The following ZNF683 variants were observed in gnomAD, a reference collection of about 807,000 sequenced individuals.
ZNF683 encodes zinc finger protein 683.
ZNF683 carries 20 observed loss-of-function variants against 31.4 expected under a neutral mutation model. The observed-to-expected ratio is 0.64, with a 90% CI of 0.45 to 0.93. ZNF683 has a LOEUF of 0.93. ZNF683 is among the 40% of genes least tolerant of loss of function. The pLI is 0.00. For missense variants in ZNF683, 621 were observed against 637.2 expected (o/e 0.97, Z 0.27); for synonymous variants, 264 against 267.6 (o/e 0.99, Z 0.13).
chr1:26,364,446 A>T, intron 4 of ZNF683, 86 bp downstream of exon 4: 1 of 1,488,622 alleles, frequency 6.7e-7, no homozygotes, highest in Non-Finnish European at 9.3e-7. Flanking sequence ...TCTAGCTTTG[A>T]GGTCCTTGCT....
chr1:26,367,422 C>T (rs995296207), intron 3 of ZNF683, among the ~76,000 whole-genome samples, 171 bp downstream of exon 3: 1 of 152,188 alleles, frequency 6.6e-6, no homozygotes, highest in Non-Finnish European at 1.5e-5. Context: ...CGAAAGCCCC[C>T]TGCACCCTCA....
chr1:26,369,106 A>C (rs1277871267), intron 1 of ZNF683, among the ~76,000 whole-genome samples: 1 of 152,030 alleles, frequency 6.6e-6, no homozygotes, highest in East Asian at 1.9e-4. Flanking sequence ...TTAGCCAGTC[A>C]CGGTGGTGCA....
Position 26,372,750 on chromosome 1 carries a change from T to C in ZNF683, c.-96A>G, listed in dbSNP as rs894262856. 5.8e-6 allele frequency: 7 copies of C among 1,213,188 alleles called. No homozygotes were observed. Among genetic ancestry groups the C allele is most frequent in the Non-Finnish European group, 7.3e-6 (7 of 952,710 alleles). 75.2% of individuals were successfully genotyped at this position (1,213,188 alleles called of 1,614,324 possible). ...CTCAGGTTCCTCAGTTAGAAGACCA[T>C]GGTCCTCCCTTTGTGCTACCTCCCC... On this transcript the variant is annotated 5_prime_UTR_variant, in exon 1 of 6. An upstream start codon of the reference 5' UTR is lost. Coordinates refer to ENST00000349618, the MANE Select transcript of ZNF683 (RefSeq NM_001114759.3).
intron 5 of ZNF683, 155 bp from the exon 6 acceptor site, chr1:26,362,177 T>C: frequency 6.3e-7 from 1 of 1,587,206 alleles, no homozygotes; most frequent in Admixed American, 1.8e-5. Flanking sequence ...CCACGGTATC[T>C]AGCACATTAG....
In ZNF683 at chr1:26,365,195, G is replaced by T; in HGVS notation, c.351C>A (p.Ser117=). Residue 117 remains serine, a synonymous_variant, in exon 4 of 6, where the codon TCC becomes TCA. Coordinates refer to ENST00000349618, the MANE Select transcript of ZNF683 (RefSeq NM_001114759.3). ...TGACTGTGAATTTCTTGTCATCGGT[G>T]GAGCTGGCCTGCAGCCCTGGTGGCT... ...KHEPPGLQAS[S]TDDKKFTVKY... 1 of 1,607,506 alleles carries T rather than the reference G, an allele frequency of 6.2e-7. No individual in the cohort carries two copies. The highest frequency in any genetic ancestry group is 8.5e-7 in the Non-Finnish European group (1 of 1,177,296).
Position 26,364,660 on chromosome 1 carries a change from T to C in ZNF683, c.886A>G (p.Lys296Glu). The change falls in exon 4 of 6, where the codon AAG becomes GAG. Residue 296 changes from lysine (K) to glutamate (E), a missense_variant. Lys to Glu is a moderately conservative substitution (Grantham distance 56). Coordinates refer to ENST00000349618, the MANE Select transcript of ZNF683 (RefSeq NM_001114759.3). Reference sequence around the variant, plus strand: ...GTCTGGGAACTCAATGGGACCCGCTTTGCTGGAGATGCCATGCCACCACGC... The same window carrying C: ...GTCTGGGAACTCAATGGGACCCGCTCTGCTGGAGATGCCATGCCACCACGC... ...LERGGMASPAKRVPLSSQTGT... is the reference protein window; with the variant it reads ...LERGGMASPAERVPLSSQTGT... The C allele has an allele frequency of 1.9e-6, 3 of 1,614,016 alleles. No individual in the cohort carries two copies. Among genetic ancestry groups the C allele is most frequent in the Non-Finnish European group, 2.5e-6 (3 of 1,179,880 alleles).
chr1:26,373,018 G>A (rs894210614), upstream of ZNF683, among the ~76,000 whole-genome samples: 4 of 152,212 alleles, frequency 2.6e-5, no homozygotes, highest in Non-Finnish European at 2.9e-5. Context: ...TCTGGTGTGC[G>A]TGAGTCTGGC....
At chr1:26,372,794 T>G, upstream of ZNF683, 1 of 1,193,390 alleles carries the variant, frequency 8.4e-7, no homozygotes, top group Non-Finnish European at 1.1e-6. Context: ...TGGGACAAAG[T>G]GACATCACAT....
intron 1 of ZNF683, among the ~76,000 whole-genome samples, chr1:26,369,953 C>G (rs190832832): frequency 6.6e-6 from 1 of 152,158 alleles, no homozygotes; most frequent in Admixed American, 6.6e-5. Context: ...GAGATCACAC[C>G]ACTACACTCT....
At position 26,364,530 on chromosome 1, in the gene ZNF683, A is replaced by C; in HGVS notation, c.1014+2T>G. 1 of 1,613,732 alleles carries C rather than the reference A, an allele frequency of 6.2e-7. No homozygotes were observed. Among genetic ancestry groups the C allele is most frequent in the Non-Finnish European group, 8.5e-7 (1 of 1,179,852 alleles). On this transcript the variant is annotated splice_donor_variant, in intron 4 of 5. Transcript: ENST00000349618. LOFTEE classifies it high-confidence loss of function. ...GAGAAGCAGAGCCCAGGAGGCAGAT[A>C]CCTTGAGATTGGAGAGCTGCCCAAA... is the stretch of plus-strand genomic sequence containing the variant.
intron 1 of ZNF683, among the ~76,000 whole-genome samples, chr1:26,369,417 C>T (rs1043918502): frequency 6.6e-6 from 1 of 152,088 alleles, no homozygotes; most frequent in African/African-American, 2.4e-5. Flanking sequence ...CCTGTAATCC[C>T]AGCACTTTGG....
At chr1:26,367,884 A>G (rs1432409647) in intron 2 of ZNF683, 87 bp from the exon 3 acceptor site, 8 of 1,102,626 alleles carry the variant, frequency 7.3e-6, no homozygotes, top group Non-Finnish European at 1.0e-5. Flanking sequence ...TTTGTTTTCC[A>G]AAGGGGAGAA....
Position 26,367,578 on chromosome 1 carries a change from G to T in ZNF683, c.319+15C>A, listed in dbSNP as rs1255931759. ...CTCTGCCAGGCGCAGGTGCAGCCCG[G>T]TGCCCTGGGCTTACTCATGCTCAAG... On this transcript the variant is annotated intron_variant, in intron 3 of 5. Coordinates refer to ENST00000349618, the MANE Select transcript of ZNF683 (RefSeq NM_001114759.3). 2 of 1,566,840 alleles carry T rather than the reference G, an allele frequency of 1.3e-6. No homozygotes were observed. Among genetic ancestry groups the T allele is most frequent in the Non-Finnish European group, 1.7e-6 (2 of 1,157,058 alleles).
chr1:26,367,598 C>T lies in ZNF683; in HGVS notation c.314G>A (p.Ser105Asn), dbSNP rs141521105. The T allele has an allele frequency of 8.7e-6, 14 of 1,600,392 alleles. No individual in the cohort carries two copies. Among genetic ancestry groups the T allele is most frequent in the Non-Finnish European group, 1.2e-5 (14 of 1,174,056 alleles). The change falls in exon 3 of 6, where the codon AGC becomes AAC. Residue 105 changes from serine to asparagine, a missense_variant. Ser to Asn is a conservative substitution (Grantham distance 46). Coordinates refer to ENST00000349618, the MANE Select transcript of ZNF683 (RefSeq NM_001114759.3). The part of the protein sequence containing the change: ...DLQGLQEDAL[S>N]MKHEPPGLQA... ...GCCCGGTGCCCTGGGCTTACTCATGCTCAAGGCGTCCTCTTGGAGGCCCTG... is the reference window on the plus strand; with the variant it reads ...GCCCGGTGCCCTGGGCTTACTCATGTTCAAGGCGTCCTCTTGGAGGCCCTG...
rs771678167 is a variant in ZNF683, at chr1:26,363,167, C to T, written c.1015-13G>A. On this transcript the variant is annotated splice_polypyrimidine_tract_variant and intron_variant, in intron 4 of 5. Coordinates refer to ENST00000349618, the MANE Select transcript of ZNF683 (RefSeq NM_001114759.3). ...CACGCAGGTGGACCTGAGTCAGATG[C>T]GGGATAAATGCTGCCAACTGCCCAG... 2.1e-5 allele frequency: 34 copies of T among 1,598,506 alleles called. No homozygotes were observed. Among genetic ancestry groups the T allele is most frequent in the African/African-American group, 1.3e-4 (10 of 74,616 alleles).
At chr1:26,370,640 C>T (rs2074648862) in intron 1 of ZNF683, 1 of 985,776 alleles carries the variant, frequency 1.0e-6, no homozygotes, top group African/African-American at 1.7e-5. Flanking sequence ...TACCATGGAC[C>T]CCCGAAGGGC....
intron 3 of ZNF683, among the ~76,000 whole-genome samples, chr1:26,366,493 G>A (rs1428156069): frequency 6.6e-6 from 1 of 152,100 alleles, no homozygotes; most frequent in Non-Finnish European, 1.5e-5. Context: ...CCTTCAGGGG[G>A]TCATCGTCAC....
chr1:26,367,828 TG>T, intron 2 of ZNF683, 31 bp from the exon 3 acceptor site: 2 of 1,506,278 alleles, frequency 1.3e-6, no homozygotes, highest in Non-Finnish European at 1.8e-6. Context: ...GCTTGGGGGC[TG>T]GTGACTGGGA....
intron 2 of ZNF683, 86 bp from the exon 3 acceptor site, chr1:26,367,883 CA>C: frequency 8.9e-7 from 1 of 1,117,344 alleles, no homozygotes. Context: ...TTTTGTTTTC[CA>C]AAGGGGAGAA....
Sources: allele counts gnomAD v4.1 joint callset (sites outside exome capture counted in the v4.1 genomes callset), GRCh38; gene constraint gnomAD v4.1.1; transcripts MANE v1.5; gene names NCBI Gene and HGNC (gene_info 2026-07-23, HGNC 2026-07-21).